CENPP: variants seen among roughly 807,000 people sequenced by gnomAD.
CENPP encodes centromere protein P.
In CENPP, 24 loss-of-function variants were observed where a neutral mutation model predicts 35.6. The ratio of observed to expected loss-of-function variants is 0.67; its 90% CI spans 0.49 to 0.95. CENPP has a LOEUF of 0.95. CENPP is among the 40% of genes least tolerant of loss of function. The pLI, the probability that CENPP is intolerant of heterozygous loss-of-function variation, is 0.00. For missense variants in CENPP, 332 were observed against 345.3 expected, an observed-to-expected ratio of 0.96 and a Z score of 0.31; for synonymous variants, 120 against 125.5, an observed-to-expected ratio of 0.96 and a Z score of 0.29.
intron 5 of CENPP, among the ~76,000 whole-genome samples, chr9:92,532,815 G>A (rs1848881141): frequency 6.6e-6 from 1 of 151,618 alleles, no homozygotes. Context: ...TGTCTATTTC[G>A]GTTGTCTCTT....
intron 5 of CENPP, among the ~76,000 whole-genome samples, chr9:92,532,572 T>C (rs1340991981): frequency 1.3e-5 from 2 of 152,184 alleles, no homozygotes; most frequent in Non-Finnish European, 2.9e-5. Flanking sequence ...TTCTCTGAAC[T>C]GATCTTCCAG....
At chr9:92,594,692 C>A (rs964452550) in intron 5 of CENPP, among the ~76,000 whole-genome samples, 6 of 152,068 alleles carry the variant, frequency 3.9e-5, no homozygotes, top group Admixed American at 1.3e-4. Context: ...TGGTAGCTCA[C>A]ACCTGTAATC....
At chr9:92,592,775 G>C (rs1244024606) in intron 5 of CENPP, among the ~76,000 whole-genome samples, 2 of 152,150 alleles carry the variant, frequency 1.3e-5, no homozygotes, top group Non-Finnish European at 2.9e-5. Context: ...CACTGGTTTT[G>C]TTAGTCATTT....
At position 92,552,049 on chromosome 9, in the gene CENPP, G is replaced by GTCTATCATATATGTGATATAGA. The variant is rs1564000174; in HGVS notation, c.565-59246_565-59245insAGATCTATCATATATGTGATAT. ...ATCTATCATATATGTGATATTATAGGTCTATCATATATGTGATATGATAGA... is the reference window on the plus strand; with the variant it reads ...ATCTATCATATATGTGATATTATAGGTCTATCATATATGTGATATAGATCTATCATATATGTGATATGATAGA... On this transcript the variant is annotated intron_variant, in intron 5 of 7. Coordinates refer to ENST00000375587, the MANE Select transcript of CENPP (RefSeq NM_001012267.3). 2.2e-4 allele frequency among the ~76,000 whole-genome samples: 18 copies of GTCTATCATATATGTGATATAGA among 81,866 alleles called. 6 individuals are homozygous for GTCTATCATATATGTGATATAGA. The highest frequency in any genetic ancestry group is 1.3e-3 in the African/African-American group (17 of 13,236). 53.7% of individuals were successfully genotyped at this position (81,866 alleles called of 152,430 possible). A position where few individuals can be genotyped will look rare whatever the true frequency, so the allele number is the denominator to read the frequency against.
chr9:92,575,552 G>A (rs920792789), intron 5 of CENPP, among the ~76,000 whole-genome samples: 13 of 152,076 alleles, frequency 8.5e-5, no homozygotes, highest in Non-Finnish European at 1.2e-4. Context: ...GGTGGCTCAC[G>A]CCTGTAATCT....
chr9:92,501,169 T>C, intron 5 of CENPP: 2 of 1,019,374 alleles, frequency 2.0e-6, no homozygotes, highest in Non-Finnish European at 2.8e-6. Context: ...ACCCAGTTTG[T>C]AGTGATGATT....
At chr9:92,397,411 C>T (rs1842934586) in intron 5 of CENPP, among the ~76,000 whole-genome samples, 1 of 152,138 alleles carries the variant, frequency 6.6e-6, no homozygotes, top group Non-Finnish European at 1.5e-5. Context: ...CACTGCAGCT[C>T]TGCCTCCTGA....
Position 92,506,109 on chromosome 9 carries a change from A to C in CENPP, c.565-105205A>C, listed in dbSNP as rs145986468. On this transcript the variant is annotated intron_variant, in intron 5 of 7. Transcript: ENST00000375587. ...GTCATTGGAAACATTGCAAAGACAT[A>C]GATGTATGAAGTGGCAGCATAATAG... Among the ~76,000 whole-genome samples the C allele has an allele frequency of 2.0e-3, 303 of 152,338 alleles. 1 individual carries two copies. Among genetic ancestry groups the C allele is most frequent in the Non-Finnish European group, 3.5e-3 (240 of 68,022 alleles).
intron 5 of CENPP, among the ~76,000 whole-genome samples, chr9:92,557,525 CT>C (rs1277016244): frequency 6.6e-6 from 1 of 152,118 alleles, no homozygotes; most frequent in East Asian, 1.9e-4. Context: ...TTTTCTTATT[CT>C]TTTTTCTCTG....
At chr9:92,413,413 G>A (rs1843500922) in intron 5 of CENPP, among the ~76,000 whole-genome samples, 3 of 152,080 alleles carry the variant, frequency 2.0e-5, no homozygotes, top group Admixed American at 2.0e-4. Flanking sequence ...TTATTTGTCT[G>A]CCTTTTGATT....
chr9:92,404,443 C>G (rs1005916238), intron 5 of CENPP: 3 of 1,125,496 alleles, frequency 2.7e-6, no homozygotes, highest in African/African-American at 3.3e-5. Context: ...TTAGATGAGT[C>G]AGTCGCACTT....
At chr9:92,367,114 AGTT>A (rs950547216) in intron 4 of CENPP, among the ~76,000 whole-genome samples, 4 of 152,272 alleles carry the variant, frequency 2.6e-5, no homozygotes, top group East Asian at 1.9e-4. Context: ...ATAAGACAAA[AGTT>A]GTTGTTAATG....
At chr9:92,356,476 A>G (rs944343086) in intron 4 of CENPP, among the ~76,000 whole-genome samples, 8 of 152,190 alleles carry the variant, frequency 5.3e-5, no homozygotes, top group African/African-American at 1.9e-4. Flanking sequence ...CATATTGTTC[A>G]AACACACATG....
intron 5 of CENPP, among the ~76,000 whole-genome samples, chr9:92,386,593 C>G (rs1159860187): frequency 1.3e-5 from 2 of 151,984 alleles, no homozygotes. Flanking sequence ...ACTTCTGGTA[C>G]TCTTTGTGTT....
rs559118609 is a variant in CENPP, at chr9:92,448,585, T to TC, written c.564+68728dup. Among the ~76,000 whole-genome samples, 24 of 151,998 alleles carry TC rather than the reference T, an allele frequency of 1.6e-4. No homozygotes were observed. In the East Asian group the frequency reaches 4.3e-3, roughly 27 times the overall value. On this transcript the variant is annotated intron_variant, in intron 5 of 7. Transcript: ENST00000375587. Reference sequence around the variant, plus strand: ...CTGATTGGTTGGGGCAGAGATGAAATCCTATGATTTCATCTCTAGGGGGGT... The same window carrying TC: ...CTGATTGGTTGGGGCAGAGATGAAATCCCTATGATTTCATCTCTAGGGGGGT...
chr9:92,432,692 G>T (rs886535254), intron 5 of CENPP, among the ~76,000 whole-genome samples: 1 of 152,104 alleles, frequency 6.6e-6, no homozygotes, highest in Non-Finnish European at 1.5e-5. Context: ...TTATATACAC[G>T]ATTAAAAAAT....
intron 5 of CENPP, among the ~76,000 whole-genome samples, chr9:92,486,230 T>C (rs1356260360): frequency 1.3e-5 from 2 of 152,170 alleles, no homozygotes; most frequent in Non-Finnish European, 2.9e-5. Context: ...GATGTAAATA[T>C]GCATAACATA....
chr9:92,552,062 GTGATA>G (rs1849617239), intron 5 of CENPP, among the ~76,000 whole-genome samples: 2 of 127,750 alleles, frequency 1.6e-5, no homozygotes, highest in South Asian at 4.6e-4. Flanking sequence ...TATCATATAT[GTGATA>G]TGATAGATCT....
chr9:92,546,346 T>C (rs1487716228), intron 5 of CENPP, among the ~76,000 whole-genome samples: 1 of 152,174 alleles, frequency 6.6e-6, no homozygotes, highest in Admixed American at 6.5e-5. Flanking sequence ...CCTTCCACTG[T>C]GTGGAAGCTT....
Sources: gnomAD v4.1 joint callset for allele counts (sites outside exome capture counted in the v4.1 genomes callset) on GRCh38, gnomAD v4.1.1 for gene constraint, MANE v1.5 for transcripts, NCBI Gene and HGNC (gene_info 2026-07-23, HGNC 2026-07-21) for gene names.